Variants in SLC35B3 observed in about 807,000 individuals in gnomAD.
SLC35B3 encodes solute carrier family 35 member B3, also known as adenosine 3'-phospho 5'-phosphosulfate transporter 2.
A neutral mutation model predicts 44.1 loss-of-function variants in SLC35B3; 35 were observed. That is an observed-to-expected ratio of 0.79 (90% CI 0.61 to 1.05). SLC35B3 has a LOEUF of 1.05. SLC35B3 is among the 50% of genes least tolerant of loss of function. SLC35B3 has a pLI of 0.00. For missense variants in SLC35B3, 414 were observed against 476.4 expected (o/e 0.87, Z 1.22); for synonymous variants, 146 against 167.3 (o/e 0.87, Z 0.98).
Position 8,435,151 on chromosome 6 carries a change from G to A in SLC35B3, c.-44+192C>T. 7 of 1,283,810 alleles carry A rather than the reference G, an allele frequency of 5.5e-6. No homozygotes were observed. The South Asian group carries it at 8.7e-5, about 16-fold the overall frequency. 79.5% of individuals were successfully genotyped at this position (1,283,810 alleles called of 1,614,324 possible). On this transcript the variant is annotated intron_variant, in intron 1 of 10. Coordinates refer to ENST00000644923, the MANE Select transcript of SLC35B3 (RefSeq NM_001370476.2). The surrounding 1 kb of genome is among the most constrained non-coding windows in gnomAD (Gnocchi z 5.5). Reference sequence around the variant, plus strand: ...GGCGAAAAACGGGCGAGGAGGAACAGATGCTCCTCCCTGGAAACCGCCCGG... The same window carrying A: ...GGCGAAAAACGGGCGAGGAGGAACAAATGCTCCTCCCTGGAAACCGCCCGG...
Position 8,433,421 on chromosome 6 carries a change from C to G in SLC35B3, c.3+964G>C, listed in dbSNP as rs773355980. Among the ~76,000 whole-genome samples the G allele has an allele frequency of 6.6e-6, 1 of 152,162 alleles. No individual in the cohort carries two copies. The highest frequency in any genetic ancestry group is 1.5e-5 in the Non-Finnish European group (1 of 68,030). ...ATGAAATCCTTAAGGCAAGAGATATCTTCCTATGATGTTCTGGCACATAAC... is the reference window on the plus strand; with the variant it reads ...ATGAAATCCTTAAGGCAAGAGATATGTTCCTATGATGTTCTGGCACATAAC... On this transcript the variant is annotated intron_variant, in intron 2 of 10. Transcript: ENST00000644923. This position sits in a 1 kb window ranked among gnomAD's most constrained non-coding sequence, Gnocchi z 4.1.
Position 8,411,726 on chromosome 6 carries a change from T to G in SLC35B3, c.*1823A>C, listed in dbSNP as rs187030827. Reference sequence around the variant, plus strand: ...CTGCATATGCACATAACAGATTAAATAGCCATCAGAATACAATGGAATTTT... The same window carrying G: ...CTGCATATGCACATAACAGATTAAAGAGCCATCAGAATACAATGGAATTTT... On this transcript the variant is annotated 3_prime_UTR_variant, in exon 11 of 11. Transcript: ENST00000644923. Among the ~76,000 whole-genome samples the G allele has an allele frequency of 6.6e-6, 1 of 152,152 alleles. No homozygotes were observed. The highest frequency in any genetic ancestry group is 2.4e-5 in the African/African-American group (1 of 41,434).
chr6:8,423,249 C>A lies in SLC35B3; in HGVS notation c.420-625G>T, dbSNP rs141972721. Among the ~76,000 whole-genome samples the A allele has an allele frequency of 2.5e-3, 375 of 152,214 alleles. 6 individuals are homozygous for A. Among genetic ancestry groups the A allele is most frequent in the Non-Finnish European group, 2.0e-3 (134 of 67,998 alleles). ...TCTGTTTCCTAATGTTTCCATCTAG[C>A]ATTAGGAAAAATACATCTATCCATT... On this transcript the variant is annotated intron_variant, in intron 4 of 10. Transcript: ENST00000644923.
At chr6:8,413,735 A>G (rs752058702) in intron 10 of SLC35B3, 36 bp from the exon 10 acceptor site, 11 of 1,338,390 alleles carry the variant, frequency 8.2e-6, no homozygotes, top group Non-Finnish European at 1.1e-5. Context: ...AATTAAAATT[A>G]GCAAAATAAC....
In SLC35B3 at chr6:8,432,834, T is replaced by C. The variant is rs1258876404; in HGVS notation, c.3+1551A>G. On this transcript the variant is annotated intron_variant, in intron 2 of 10. Transcript: ENST00000644923. The surrounding 1 kb of genome is among the most constrained non-coding windows in gnomAD (Gnocchi z 4.8). ...CACCCCTTTGATGTGCAGCTGGAAA[T>C]ACAGACCTGAATTTCCAACGCTGCC... 6.6e-6 allele frequency among the ~76,000 whole-genome samples: 1 copy of C among 152,184 alleles called. No homozygotes were observed. Among genetic ancestry groups the C allele is most frequent in the East Asian group, 1.9e-4 (1 of 5,182 alleles).
At chr6:8,422,863 A>C (rs1383983806) in intron 4 of SLC35B3, among the ~76,000 whole-genome samples, 1 of 152,162 alleles carries the variant, frequency 6.6e-6, no homozygotes, top group Non-Finnish European at 1.5e-5. Flanking sequence ...AATTATGTAA[A>C]AAAGAGTTTA....
At position 8,430,314 on chromosome 6, in the gene SLC35B3, A is replaced by G. The variant is rs150611669; in HGVS notation, c.4-157T>C. Among the ~76,000 whole-genome samples, 1,284 of 152,318 alleles carry G rather than the reference A, an allele frequency of 8.4e-3. 20 individuals carry two copies. The highest frequency in any genetic ancestry group is 0.029 in the African/African-American group (1,195 of 41,560). Reference sequence around the variant, plus strand: ...TCTAGGTTCCAAATCACCAAAAACAATATGCCTACAATCTTTAAACAATTT... The same window carrying G: ...TCTAGGTTCCAAATCACCAAAAACAGTATGCCTACAATCTTTAAACAATTT... On this transcript the variant is annotated intron_variant, in intron 2 of 10. Transcript: ENST00000644923.
Position 8,419,533 on chromosome 6 carries a change from A to AT in SLC35B3, c.780+46dup. 3.0e-6 allele frequency: 3 copies of AT among 1,008,682 alleles called. No individual in the cohort carries two copies. Among genetic ancestry groups the AT allele is most frequent in the Non-Finnish European group, 2.9e-6 (2 of 685,752 alleles). 62.5% of individuals were successfully genotyped at this position (1,008,682 alleles called of 1,614,324 possible). On this transcript the variant is annotated intron_variant, in intron 7 of 10. Coordinates refer to ENST00000644923, the MANE Select transcript of SLC35B3 (RefSeq NM_001370476.2). This position sits in a 1 kb window ranked among gnomAD's most constrained non-coding sequence, Gnocchi z 4.3. ...ATTTCATCAAATTACGTGTATCACC[A>AT]TTTTTTAAATCTGTCTAATTTGAAG...
At chr6:8,428,218 G>A (rs1178603582) in intron 3 of SLC35B3, among the ~76,000 whole-genome samples, 160 bp from the exon 3 acceptor site, 1 of 152,090 alleles carries the variant, frequency 6.6e-6, no homozygotes, top group East Asian at 1.9e-4. Context: ...TATTGGTAAT[G>A]TTATTTTTTG....
chr6:8,415,091 C>A, intron 9 of SLC35B3, 114 bp from the exon 9 acceptor site: 1 of 579,460 alleles, frequency 1.7e-6, no homozygotes, highest in Non-Finnish European at 3.0e-6. Context: ...GTTGAGGTGC[C>A]AAGGTGACAA....
intron 4 of SLC35B3, 141 bp from the exon 4 acceptor site, chr6:8,422,765 C>A: frequency 1.5e-6 from 1 of 662,012 alleles, no homozygotes; most frequent in African/African-American, 1.8e-5. Flanking sequence ...AAAAATATCA[C>A]TATTTAAAAA....
In SLC35B3 at chr6:8,433,376, C is replaced by T. The variant is rs140665133; in HGVS notation, c.3+1009G>A. Among the ~76,000 whole-genome samples the T allele has an allele frequency of 3.3e-5, 5 of 152,244 alleles. No individual in the cohort carries two copies. Among genetic ancestry groups the T allele is most frequent in the African/African-American group, 9.6e-5 (4 of 41,532 alleles). ...ATGGTATAGCTTTTTCGTTTTTATA[C>T]TTGTTTCTCCTAAAAGCCTATGAAA... On this transcript the variant is annotated intron_variant, in intron 2 of 10. Transcript: ENST00000644923. The surrounding 1 kb of genome is among the most constrained non-coding windows in gnomAD (Gnocchi z 4.1).
intron 4 of SLC35B3, 118 bp from the exon 4 acceptor site, chr6:8,422,742 G>C: frequency 1.3e-6 from 1 of 743,820 alleles, no homozygotes; most frequent in Non-Finnish European, 2.1e-6. Flanking sequence ...TACTATTTCT[G>C]GAAATATCAG....
Position 8,422,588 on chromosome 6 carries a change from T to A in SLC35B3, c.456A>T (p.Leu152=). The A allele has an allele frequency of 6.2e-7, 1 of 1,612,342 alleles. No individual in the cohort carries two copies. Among genetic ancestry groups the A allele is most frequent in the South Asian group, 1.1e-5 (1 of 90,596 alleles). The change falls in exon 5 of 11, where the codon CTA becomes CTT. Residue 152 remains leucine, a synonymous_variant. Coordinates refer to ENST00000644923, the MANE Select transcript of SLC35B3 (RefSeq NM_001370476.2). Reference sequence around the variant, plus strand: ...TTGATAACCCCATAGTACCCACAGTTAGAAAAGCTATTATCATGTAGGTTT... The same window carrying A: ...TTGATAACCCCATAGTACCCACAGTAAGAAAAGCTATTATCATGTAGGTTT...
chr6:8,414,592 T>C (rs1275699452), intron 10 of SLC35B3, among the ~76,000 whole-genome samples: 1 of 152,160 alleles, frequency 6.6e-6, no homozygotes, highest in Admixed American at 6.6e-5. Context: ...ACATCACTCA[T>C]ATTCACTCAT....
intron 2 of SLC35B3, among the ~76,000 whole-genome samples, chr6:8,430,709 CT>C (rs1361591651): frequency 7.0e-6 from 1 of 142,656 alleles, no homozygotes; most frequent in African/African-American, 3.1e-5. Flanking sequence ...GCAAGACCCT[CT>C]CTCTACCAAA....
rs780108113 is a variant in SLC35B3, at chr6:8,419,402, C to T, written c.780+178G>A. Among the ~76,000 whole-genome samples the T allele has an allele frequency of 1.3e-5, 2 of 151,942 alleles. No homozygotes were observed. The highest frequency in any genetic ancestry group is 2.4e-5 in the African/African-American group (1 of 41,384). ...AAAAATTTGTCAACTATGCAACAAGCGGTTAGCACTGCTAGTTGTAGTTTT... is the reference window on the plus strand; with the variant it reads ...AAAAATTTGTCAACTATGCAACAAGTGGTTAGCACTGCTAGTTGTAGTTTT... On this transcript the variant is annotated intron_variant, in intron 7 of 10. Coordinates refer to ENST00000644923, the MANE Select transcript of SLC35B3 (RefSeq NM_001370476.2). The surrounding 1 kb of genome is among the most constrained non-coding windows in gnomAD (Gnocchi z 4.3).
chr6:8,431,160 A>T (rs1763948186), intron 2 of SLC35B3, among the ~76,000 whole-genome samples: 1 of 152,228 alleles, frequency 6.6e-6, no homozygotes, highest in Non-Finnish European at 1.5e-5. Flanking sequence ...ATAAACTGAA[A>T]AAATGAACTC....
At chr6:8,415,578 T>A (rs1243701536) in intron 9 of SLC35B3, among the ~76,000 whole-genome samples, 1 of 152,188 alleles carries the variant, frequency 6.6e-6, no homozygotes, top group African/African-American at 2.4e-5. Context: ...TCGGTTGCCA[T>A]CTTCCCACTT....
Sources: allele counts gnomAD v4.1 joint callset (sites outside exome capture counted in the v4.1 genomes callset), GRCh38; gene constraint gnomAD v4.1.1; non-coding constraint Gnocchi (gnomAD v3.1); transcripts MANE v1.5; gene names NCBI Gene and HGNC (gene_info 2026-07-23, HGNC 2026-07-21).